Variants in DAB1 observed in about 807,000 individuals in gnomAD.
DAB1 encodes the protein disabled homolog 1.
Under a neutral mutation model 64.6 loss-of-function variants are expected in DAB1, and 15 were observed. That is an observed-to-expected ratio of 0.23 (90% CI 0.16 to 0.36). DAB1 has a LOEUF of 0.36. DAB1 is among the 10% of genes least tolerant of loss of function. DAB1 has a pLI of 1.00. For synonymous variants in DAB1, 235 were observed against 251.9 expected (o/e 0.93, Z 0.64); for missense variants, 596 against 706.7 (o/e 0.84, Z 1.78).
intron 4 of DAB1, among the ~76,000 whole-genome samples, chr1:58,318,209 C>G (rs999240811): frequency 3.3e-5 from 5 of 152,142 alleles, no homozygotes; most frequent in African/African-American, 1.2e-4. Context: ...ATGCTAACCG[C>G]ACCTCATTCC....
intron 1 of DAB1, among the ~76,000 whole-genome samples, chr1:58,528,502 G>A (rs1481490298): frequency 5.3e-5 from 8 of 152,154 alleles, no homozygotes; most frequent in Non-Finnish European, 1.0e-4. Flanking sequence ...GTGTGATTTT[G>A]TCCTCCAGGG....
At chr1:57,384,333 A>G (rs1416912000) in intron 1 of DAB1, among the ~76,000 whole-genome samples, 1 of 152,224 alleles carries the variant, frequency 6.6e-6, no homozygotes. Context: ...TGCAGCCACT[A>G]TGGAAAACAG....
rs532024138 is a variant in DAB1 at position 58,534,092 on chromosome 1, A to G, written n.33-6757T>C. On this transcript the variant is annotated intron_variant and non_coding_transcript_variant, in intron 1 of 20. Coordinates refer to the DAB1 transcript ENST00000485760. ...CACAAAGAAAATAATGTAAGCAATT[A>G]GAACATCATAAAAAATAAGGACAAT... 5 of 867,690 alleles carry G rather than the reference A, an allele frequency of 5.8e-6. No homozygotes were observed. The African/African-American group carries it at 6.6e-5, about 11-fold the overall frequency. 53.7% of individuals were successfully genotyped at this position (867,690 alleles called of 1,614,324 possible). A position where few individuals can be genotyped will look rare whatever the true frequency, so the allele number is the denominator to read the frequency against.
At chr1:57,678,922 A>T (rs112701276) in intron 6 of DAB1, among the ~76,000 whole-genome samples, 15 of 107,950 alleles carry the variant, frequency 1.4e-4, no homozygotes, top group African/African-American at 5.9e-4. Flanking sequence ...GCCTGCCACC[A>T]TGCCCGGCTA....
At chr1:57,353,946 T>C (rs915669247) in intron 1 of DAB1, among the ~76,000 whole-genome samples, 1 of 152,204 alleles carries the variant, frequency 6.6e-6, no homozygotes, top group Non-Finnish European at 1.5e-5. Flanking sequence ...AAAAATTCTC[T>C]AGTAATTGTT....
At chr1:57,696,905 G>A (rs1268105796) in intron 6 of DAB1, among the ~76,000 whole-genome samples, 1 of 152,040 alleles carries the variant, frequency 6.6e-6, no homozygotes, top group East Asian at 1.9e-4. Flanking sequence ...CTTCTTTTGA[G>A]ACACTTTATA....
At chr1:58,421,863 G>A (rs1644775045) in intron 3 of DAB1, among the ~76,000 whole-genome samples, 1 of 152,164 alleles carries the variant, frequency 6.6e-6, no homozygotes. Context: ...TGTGAAGTGG[G>A]CAGTAGTATA....
At chr1:57,089,937 G>A (rs1034009584) in intron 4 of DAB1, among the ~76,000 whole-genome samples, 9 of 152,080 alleles carry the variant, frequency 5.9e-5, no homozygotes, top group Non-Finnish European at 8.8e-5. Context: ...TTTATAATAC[G>A]AGGCAGATAA....
intron 7 of DAB1, among the ~76,000 whole-genome samples, chr1:57,445,926 C>G (rs1023985267): frequency 3.3e-5 from 5 of 152,192 alleles, no homozygotes; most frequent in Non-Finnish European, 7.4e-5. Flanking sequence ...AAAACTGCAT[C>G]TATTTCTATC....
intron 7 of DAB1, among the ~76,000 whole-genome samples, chr1:57,482,847 A>G (rs1158706760): frequency 2.0e-5 from 3 of 152,198 alleles, no homozygotes; most frequent in Non-Finnish European, 2.9e-5. Flanking sequence ...TAGAGAGGTT[A>G]ATAACTTGCT....
At chr1:58,279,908 T>C (rs1469363610) in intron 4 of DAB1, among the ~76,000 whole-genome samples, 2 of 152,124 alleles carry the variant, frequency 1.3e-5, no homozygotes, top group East Asian at 3.9e-4. Flanking sequence ...ATCGGCTCCA[T>C]TGAGCTCTCA....
intron 5 of DAB1, among the ~76,000 whole-genome samples, chr1:58,124,372 G>A (rs539004429): frequency 1.3e-5 from 2 of 151,972 alleles, no homozygotes; most frequent in African/African-American, 4.8e-5. Context: ...CCTTAAATAT[G>A]GTGTACAAAG....
At chr1:58,266,995 G>A (rs1661184179) in intron 4 of DAB1, among the ~76,000 whole-genome samples, 1 of 152,140 alleles carries the variant, frequency 6.6e-6, no homozygotes, top group Admixed American at 6.5e-5. Flanking sequence ...TGAGGCAGGT[G>A]GATCACCTGA....
intron 1 of DAB1, among the ~76,000 whole-genome samples, chr1:57,332,189 C>T (rs1451803685): frequency 6.6e-6 from 1 of 151,900 alleles, no homozygotes; most frequent in Admixed American, 6.6e-5. Flanking sequence ...GTCTTGAACT[C>T]CTGACCTCAA....
intron 4 of DAB1, among the ~76,000 whole-genome samples, chr1:57,117,962 A>G (rs1208032445): frequency 1.3e-5 from 2 of 152,190 alleles, no homozygotes; most frequent in Non-Finnish European, 2.9e-5. Flanking sequence ...GGCTTGCTGC[A>G]TCAGGAGCCA....
At chr1:58,048,490 T>C (rs1161221792) in intron 5 of DAB1, 6 of 1,297,228 alleles carry the variant, frequency 4.6e-6, no homozygotes, top group Non-Finnish European at 6.7e-6. Context: ...GTCCACCACT[T>C]CCATAGCCTC....
chr1:57,549,403 TAAG>T (rs1471841340), intron 7 of DAB1, among the ~76,000 whole-genome samples: 1 of 152,188 alleles, frequency 6.6e-6, no homozygotes, highest in Non-Finnish European at 1.5e-5. Flanking sequence ...TGAAGGAAGT[TAAG>T]AAGAATGGTA....
At chr1:57,695,369 A>G (rs1477539694) in intron 6 of DAB1, among the ~76,000 whole-genome samples, 4 of 48,678 alleles carry the variant, frequency 8.2e-5, no homozygotes, top group Non-Finnish European at 1.5e-4. Flanking sequence ...AAGAAGAAAG[A>G]AAGAAAGAAA....
chr1:58,134,667 G>A (rs1484797192), intron 5 of DAB1, among the ~76,000 whole-genome samples: 2 of 152,174 alleles, frequency 1.3e-5, no homozygotes, highest in African/African-American at 4.8e-5. Flanking sequence ...CAGTGAAGGG[G>A]ACGGTGATAC....
Sources: gnomAD v4.1 joint callset for allele counts (sites outside exome capture counted in the v4.1 genomes callset) on GRCh38, gnomAD v4.1.1 for gene constraint, MANE v1.5 for transcripts, NCBI Gene and HGNC (gene_info 2026-07-23, HGNC 2026-07-21) for gene names.